ACSS1: variants seen among roughly 807,000 people sequenced by gnomAD.
ACSS1 encodes the protein acetyl-coenzyme A synthetase 2-like, mitochondrial.
A neutral mutation model predicts 75.3 loss-of-function variants in ACSS1; 42 were observed. The observed-to-expected ratio is 0.56, with a 90% CI of 0.44 to 0.72. ACSS1 has a LOEUF of 0.72. ACSS1 is among the 30% of genes least tolerant of loss of function. ACSS1 has a pLI of 0.00. For synonymous variants in ACSS1, 380 were observed against 376.8 expected, an observed-to-expected ratio of 1.01 and a Z score of -0.10; for missense variants, 782 against 935.7, an observed-to-expected ratio of 0.84 and a Z score of 2.14.
Position 25,012,626 on chromosome 20 carries a change from G to C in ACSS1, c.1746C>G (p.Gly582=), listed in dbSNP as rs746173702. 2.5e-6 allele frequency: 4 copies of C among 1,614,238 alleles called. No individual in the cohort carries two copies. In the South Asian group the frequency reaches 3.3e-5, roughly 13 times the overall value. Residue 582 remains glycine (G), a synonymous_variant, in exon 12 of 14, where the codon GGC becomes GGG. Transcript: ENST00000323482. Reference sequence around the variant, plus strand: ...CTTCTCCTTTGATGTCGTGGGGGTAGCCAATGACAGCACTTTCTGGTACTG... The same window carrying C: ...CTTCTCCTTTGATGTCGTGGGGGTACCCAATGACAGCACTTTCTGGTACTG... The part of the protein sequence containing the change: ...HPAVPESAVI[G]YPHDIKGEAA...
At chr20:25,021,090 GAGA>G (rs2088615663) in intron 6 of ACSS1, among the ~76,000 whole-genome samples, 1 of 152,226 alleles carries the variant, frequency 6.6e-6, no homozygotes, top group Non-Finnish European at 1.5e-5. Flanking sequence ...GCCTAGAGGT[GAGA>G]AGGATGCCAA....
chr20:25,052,532 T>G (rs1169511374), intron 1 of ACSS1, among the ~76,000 whole-genome samples: 1 of 152,252 alleles, frequency 6.6e-6, no homozygotes, highest in Non-Finnish European at 1.5e-5. Flanking sequence ...TCATGTAGAC[T>G]GGCGTTGGGA....
rs745570934 is a variant in ACSS1 at position 25,044,151 on chromosome 20, C to CCCAGGCT, written c.431+3927_431+3933dup. On this transcript the variant is annotated intron_variant, in intron 2 of 13. Coordinates refer to ENST00000323482, the MANE Select transcript of ACSS1 (RefSeq NM_032501.4). ...TAGCCTGGGAATTCCTGGCCCAGAC[C>CCCAGGCT]CCAGGCTCCAGGCTCCAGGCAGGGA... 1.2e-3 allele frequency among the ~76,000 whole-genome samples: 182 copies of CCCAGGCT among 152,296 alleles called. 1 individual carries two copies. Among genetic ancestry groups the CCCAGGCT allele is most frequent in the African/African-American group, 2.3e-3 (94 of 41,560 alleles).
At chr20:25,038,045 C>T (rs781393174) in intron 2 of ACSS1, among the ~76,000 whole-genome samples, 10 of 152,210 alleles carry the variant, frequency 6.6e-5, no homozygotes, top group Non-Finnish European at 1.2e-4. Context: ...GTGGCAGCCG[C>T]ACTTGAACAT....
intron 2 of ACSS1, chr20:25,032,500 A>G: frequency 7.9e-7 from 1 of 1,272,046 alleles, no homozygotes; most frequent in Non-Finnish European, 9.9e-7. Flanking sequence ...ACTGACTTTA[A>G]TTAATTATTT....
chr20:25,032,227 G>A, intron 2 of ACSS1: 2 of 751,616 alleles, frequency 2.7e-6, no homozygotes, highest in Non-Finnish European at 3.7e-6. Context: ...CCTATCACCA[G>A]GTTCACCCAC....
intron 1 of ACSS1, among the ~76,000 whole-genome samples, chr20:25,051,709 T>G (rs1228189593): frequency 6.6e-6 from 1 of 152,180 alleles, no homozygotes; most frequent in Non-Finnish European, 1.5e-5. Flanking sequence ...ACAGGGGTGA[T>G]TACACATACT....
At chr20:25,029,100 AC>A (rs2088778971) in intron 3 of ACSS1, among the ~76,000 whole-genome samples, 1 of 152,206 alleles carries the variant, frequency 6.6e-6, no homozygotes, top group African/African-American at 2.4e-5. Context: ...AAGACCACCC[AC>A]AGAATGGGAG....
chr20:25,057,194 G>T (rs925930990), intron 1 of ACSS1, among the ~76,000 whole-genome samples: 2 of 152,210 alleles, frequency 1.3e-5, no homozygotes, highest in South Asian at 2.1e-4. Flanking sequence ...CCAGGCCCCA[G>T]GCCCGCAGCG....
intron 2 of ACSS1, among the ~76,000 whole-genome samples, chr20:25,037,033 G>GGAAGGAAGGAAGGAAGGAAGGAAAT (rs2088925100): frequency 1.3e-5 from 2 of 150,834 alleles, no homozygotes; most frequent in African/African-American, 4.9e-5. Context: ...AGGAAGGAAA[G>GGAAGGAAGGAAGGAAGGAAGGAAAT]AAAGAAAGAG....
intron 2 of ACSS1, among the ~76,000 whole-genome samples, chr20:25,034,505 C>A (rs2088877024): frequency 6.6e-6 from 1 of 152,142 alleles, no homozygotes; most frequent in South Asian, 2.1e-4. Context: ...TGGACCCCCA[C>A]ATTCTCATGG....
intron 3 of ACSS1, among the ~76,000 whole-genome samples, chr20:25,024,238 A>G (rs1231382273): frequency 2.6e-5 from 4 of 152,132 alleles, no homozygotes; most frequent in Non-Finnish European, 5.9e-5. Context: ...TCAATGACCA[A>G]TGTTGCTCAG....
chr20:25,021,104 A>G (rs547792397), intron 6 of ACSS1, among the ~76,000 whole-genome samples: 1 of 152,332 alleles, frequency 6.6e-6, no homozygotes, highest in South Asian at 2.1e-4. Context: ...AGGATGCCAA[A>G]GCGATGGCCT....
At chr20:25,022,678 C>T (rs138836576) in intron 5 of ACSS1, among the ~76,000 whole-genome samples, 3 of 152,370 alleles carry the variant, frequency 2.0e-5, no homozygotes, top group East Asian at 3.9e-4. Flanking sequence ...AATCTTTGGG[C>T]GAATGGCCCT....
rs149540539 is a variant in ACSS1 at position 25,048,351 on chromosome 20, G to A, written c.335-170C>T. On this transcript the variant is annotated intron_variant, in intron 1 of 13. Coordinates refer to ENST00000323482, the MANE Select transcript of ACSS1 (RefSeq NM_032501.4). ...TTTCTACCCCCTTGCAAGGAGAAGG[G>A]TGAACAAACATGATCTCAGAGGTAC... Among the ~76,000 whole-genome samples the A allele has an allele frequency of 9.5e-4, 145 of 152,244 alleles. 1 individual carries two copies. In the Middle Eastern group the frequency reaches 0.017, roughly 18 times the overall value.
chr20:25,017,473 A>G (rs904096262), intron 7 of ACSS1, among the ~76,000 whole-genome samples: 74 of 152,252 alleles, frequency 4.9e-4, no homozygotes, highest in African/African-American at 1.8e-3. Context: ...GGTGCAAGAC[A>G]TCACAAGACG....
At chr20:25,047,391 C>A (rs1215058220) in intron 2 of ACSS1, among the ~76,000 whole-genome samples, 8 of 83,612 alleles carry the variant, frequency 9.6e-5, no homozygotes, top group African/African-American at 3.5e-4. Flanking sequence ...CTCCAAGAGG[C>A]CTTCCTGACT....
intron 2 of ACSS1, among the ~76,000 whole-genome samples, chr20:25,041,274 A>C (rs1392977607): frequency 3.4e-5 from 5 of 148,100 alleles, no homozygotes; most frequent in South Asian, 2.1e-4. Flanking sequence ...AAAAAAAAAA[A>C]ACCTGTTAAT....
Position 25,020,036 on chromosome 20 carries a change from C to A in ACSS1, c.1220G>T (p.Arg407Leu). 6.2e-7 allele frequency: 1 copy of A among 1,614,192 alleles called. No individual in the cohort carries two copies. Among genetic ancestry groups the A allele is most frequent in the South Asian group, 1.1e-5 (1 of 91,084 alleles). Residue 407 changes from arginine to leucine, a missense_variant, in exon 7 of 14, where the codon CGC becomes CTC. Transcript: ENST00000323482. Reference protein sequence around the residue: ...YGDAWVKKYDRSSLRTLGSVG... With the variant: ...YGDAWVKKYDLSSLRTLGSVG... ...TGACCCCAGGGTCCGCAGGGAGGAG[C>A]GATCATACTTCTTCACCCAGGCATC...
Sources: allele counts gnomAD v4.1 joint callset (sites outside exome capture counted in the v4.1 genomes callset), GRCh38; gene constraint gnomAD v4.1.1; transcripts MANE v1.5; gene names NCBI Gene and HGNC (gene_info 2026-07-23, HGNC 2026-07-21).